PSD3: variants seen among roughly 807,000 people sequenced by gnomAD.
PSD3 encodes PH and SEC7 domain-containing protein 3.
In PSD3, 49 loss-of-function variants were observed where a neutral mutation model predicts 105.5. That is an observed-to-expected ratio of 0.46 (90% confidence interval 0.37 to 0.59). The LOEUF (loss-of-function observed/expected upper bound fraction) is 0.59. Among genes scored for constraint, PSD3 ranks in the 20% least tolerant of loss-of-function variants. The pLI is 0.00. For synonymous variants in PSD3, 557 were observed against 457.8 expected (o/e 1.22, Z -2.77); for missense variants, 1,561 against 1,263.8 (o/e 1.24, Z -3.57).
intron 9 of PSD3, among the ~76,000 whole-genome samples, chr8:18,695,871 T>A (rs1486857631): frequency 2.6e-5 from 4 of 152,128 alleles, no homozygotes; most frequent in African/African-American, 7.2e-5. Flanking sequence ...GTCAAATGGA[T>A]AAATTAACAA....
chr8:18,998,293 G>A (rs1029601576), intron 1 of PSD3, among the ~76,000 whole-genome samples: 6 of 152,026 alleles, frequency 3.9e-5, no homozygotes, highest in Non-Finnish European at 8.8e-5. Flanking sequence ...CTGGCCCATT[G>A]TAAAGAAAAA....
At chr8:19,003,911 C>A (rs1205800774) in intron 1 of PSD3, among the ~76,000 whole-genome samples, 2 of 151,882 alleles carry the variant, frequency 1.3e-5, no homozygotes, top group Non-Finnish European at 2.9e-5. Context: ...CTAGGGGCAA[C>A]CACTAAGGTC....
chr8:19,033,650 T>C (rs1207746846), intron 1 of PSD3, among the ~76,000 whole-genome samples: 1 of 151,958 alleles, frequency 6.6e-6, no homozygotes, highest in Admixed American at 6.6e-5. Flanking sequence ...CCCTTGGCTC[T>C]CTCTCAGCTT....
chr8:18,987,321 A>G (rs1430421675), intron 1 of PSD3, among the ~76,000 whole-genome samples: 1 of 150,532 alleles, frequency 6.6e-6, no homozygotes, highest in Non-Finnish European at 1.5e-5. Flanking sequence ...GGAGTCTCGC[A>G]CTTTCGCCCA....
chr8:18,702,646 T>C (rs536630326), intron 9 of PSD3, among the ~76,000 whole-genome samples: 1 of 152,172 alleles, frequency 6.6e-6, no homozygotes, highest in East Asian at 1.9e-4. Context: ...GGAATCTCGC[T>C]CTGTTGCCCA....
At chr8:18,769,415 T>C (rs927331809) in intron 8 of PSD3, among the ~76,000 whole-genome samples, 3 of 152,196 alleles carry the variant, frequency 2.0e-5, no homozygotes, top group African/African-American at 7.2e-5. Context: ...AATTTTTCTC[T>C]TAAAAAAGTG....
intron 12 of PSD3, among the ~76,000 whole-genome samples, chr8:18,591,095 C>A (rs968195258): frequency 6.6e-6 from 1 of 152,050 alleles, no homozygotes; most frequent in African/African-American, 2.4e-5. Flanking sequence ...TAAGACAATA[C>A]CAAAATCCAG....
intron 12 of PSD3, among the ~76,000 whole-genome samples, chr8:18,581,911 G>A (rs1470332876): frequency 6.6e-6 from 1 of 152,162 alleles, no homozygotes; most frequent in Non-Finnish European, 1.5e-5. Flanking sequence ...TAACATTAAG[G>A]AAGTGGCCAG....
chr8:18,652,292 G>A (rs1274750369), intron 10 of PSD3, among the ~76,000 whole-genome samples: 3 of 152,050 alleles, frequency 2.0e-5, no homozygotes, highest in Non-Finnish European at 4.4e-5. Context: ...GGCAGAAGAA[G>A]TTTTAAGAGT....
intron 12 of PSD3, among the ~76,000 whole-genome samples, chr8:18,576,737 T>C (rs1802483223): frequency 6.6e-6 from 1 of 152,012 alleles, no homozygotes; most frequent in Middle Eastern, 3.4e-3. Flanking sequence ...GACAAAAACA[T>C]GAGGTAGGTA....
chr8:18,761,678 G>A (rs937996111), intron 9 of PSD3, among the ~76,000 whole-genome samples: 5 of 152,064 alleles, frequency 3.3e-5, no homozygotes, highest in South Asian at 4.2e-4. Flanking sequence ...TATTCACGTC[G>A]TTAGTACCTG....
chr8:18,607,695 A>G (rs985168847), intron 11 of PSD3, among the ~76,000 whole-genome samples: 2 of 89,846 alleles, frequency 2.2e-5, no homozygotes, highest in Non-Finnish European at 4.8e-5. Flanking sequence ...AAAAAAAAAA[A>G]CAAAACAAAA....
At chr8:18,995,159 C>T (rs1214517224) in intron 1 of PSD3, among the ~76,000 whole-genome samples, 1 of 152,166 alleles carries the variant, frequency 6.6e-6, no homozygotes, top group Non-Finnish European at 1.5e-5. Flanking sequence ...GACAACTGAA[C>T]TGGCAAATTG....
chr8:18,984,883 G>A (rs1300252284), intron 1 of PSD3, among the ~76,000 whole-genome samples: 1 of 152,158 alleles, frequency 6.6e-6, no homozygotes, highest in African/African-American at 2.4e-5. Context: ...AACTTAACCA[G>A]CTCAATGTCA....
intron 9 of PSD3, among the ~76,000 whole-genome samples, chr8:18,740,736 C>G (rs978380964): frequency 6.6e-6 from 1 of 152,194 alleles, no homozygotes; most frequent in South Asian, 2.1e-4. Flanking sequence ...GAAATCCTCT[C>G]TCTCACTCAT....
intron 4 of PSD3, among the ~76,000 whole-genome samples, chr8:18,810,190 T>C (rs943197165): frequency 6.6e-6 from 1 of 152,194 alleles, no homozygotes; most frequent in Non-Finnish European, 1.5e-5. Flanking sequence ...TTTTAAAATC[T>C]CATCGCTTTC....
At chr8:18,676,311 G>T (rs114972342) in intron 9 of PSD3, among the ~76,000 whole-genome samples, 1,932 of 152,252 alleles carry the variant, frequency 0.013, 32 homozygotes, top group African/African-American at 0.045. Flanking sequence ...ATGGAGGGGA[G>T]CAAGAATGCA....
chr8:18,671,890 C>T (rs1799807193), intron 9 of PSD3, among the ~76,000 whole-genome samples: 2 of 152,162 alleles, frequency 1.3e-5, no homozygotes, highest in Non-Finnish European at 2.9e-5. Flanking sequence ...CTTGGCCTCC[C>T]AAAGTGCTGG....
intron 9 of PSD3, chr8:18,762,851 C>G: frequency 9.2e-7 from 1 of 1,086,302 alleles, no homozygotes; most frequent in East Asian, 6.0e-5. Flanking sequence ...TTAACCCTTT[C>G]TCTTCAGAAA....
Sources: allele counts gnomAD v4.1 joint callset (sites outside exome capture counted in the v4.1 genomes callset), GRCh38; gene constraint gnomAD v4.1.1; transcripts MANE v1.5; gene names NCBI Gene and HGNC (gene_info 2026-07-23, HGNC 2026-07-21).